Variants in GRK6 observed in about 807,000 individuals in gnomAD.
GRK6 encodes the protein G protein-coupled receptor kinase 6.
A neutral mutation model predicts 80.8 loss-of-function variants in GRK6; 37 were observed. That is an observed-to-expected ratio of 0.46 (90% confidence interval 0.35 to 0.60). GRK6 has a LOEUF of 0.60. Among genes scored for constraint, GRK6 ranks in the 20% least tolerant of loss-of-function variants. The pLI, the probability that GRK6 is intolerant of heterozygous loss-of-function variation, is 0.00. For missense variants in GRK6, 560 were observed against 784.6 expected, an observed-to-expected ratio of 0.71 and a Z score of 3.42; for synonymous variants, 295 against 320.9, an observed-to-expected ratio of 0.92 and a Z score of 0.86.
At chr5:177,441,656 C>T (rs1416418523) in intron 15 of GRK6, 81 bp from the exon 16 acceptor site, 17 of 1,172,470 alleles carry the variant, frequency 1.4e-5, no homozygotes, top group African/African-American at 7.5e-5. Context: ...CTGGCAGGGT[C>T]GGCCCCATGT....
intron 15 of GRK6, 77 bp from the exon 16 acceptor site, chr5:177,441,660 C>T (rs755679153): frequency 1.6e-6 from 2 of 1,224,214 alleles, no homozygotes; most frequent in Non-Finnish European, 2.4e-6. Flanking sequence ...CAGGGTCGGC[C>T]CCATGTGACG....
At chr5:177,439,416 G>A (rs1360196234) in intron 13 of GRK6, among the ~76,000 whole-genome samples, 3 of 151,894 alleles carry the variant, frequency 2.0e-5, no homozygotes, top group East Asian at 1.9e-4. Flanking sequence ...GGCGCATGCC[G>A]GTAATCTCAC....
rs1205968826 is a variant in GRK6 at position 177,432,729 on chromosome 5, C to T, written c.363C>T (p.Val121=). 1.1e-5 allele frequency: 18 copies of T among 1,608,960 alleles called. No individual in the cohort carries two copies. Among genetic ancestry groups the T allele is most frequent in the Non-Finnish European group, 1.5e-5 (18 of 1,177,734 alleles). The change falls in exon 5 of 16, where the codon GTC becomes GTT. Residue 121 remains valine, a synonymous_variant. Coordinates refer to ENST00000355472, the MANE Select transcript of GRK6 (RefSeq NM_001004106.3). ...SHTGPDLIPE[V]PRQLVTNCTQ... ...AGGGTCCTGACCTCATCCCTGAGGT[C>T]CCCCGGCAGCTGGTGACGAACTGCA...
intron 13 of GRK6, 115 bp from the exon 14 acceptor site, chr5:177,440,585 A>C: frequency 7.8e-7 from 1 of 1,274,846 alleles, no homozygotes; most frequent in Non-Finnish European, 1.1e-6. Flanking sequence ...TCCAAATCAG[A>C]GAGCTGCTGG....
chr5:177,433,009 T>G (rs1377953887), intron 5 of GRK6, 138 bp from the exon 6 acceptor site: 7 of 813,358 alleles, frequency 8.6e-6, no homozygotes, highest in Non-Finnish European at 1.4e-5. Context: ...GTCTCCCCGC[T>G]CAGGGGTTAG....
intron 10 of GRK6, 46 bp downstream of exon 10, chr5:177,434,985 A>AGGCCT: frequency 6.2e-7 from 1 of 1,613,268 alleles, no homozygotes; most frequent in African/African-American, 1.3e-5. Context: ...TGAGATGCAG[A>AGGCCT]GGCCTGGCCT....
At chr5:177,434,516 G>T (rs1410503974) in intron 9 of GRK6, among the ~76,000 whole-genome samples, 2 of 152,220 alleles carry the variant, frequency 1.3e-5, no homozygotes, top group African/African-American at 4.8e-5. Flanking sequence ...AGAGAACCCT[G>T]GCTCTGATTG....
intron 15 of GRK6, chr5:177,441,356 G>C (rs767157984): frequency 7.2e-7 from 1 of 1,396,782 alleles, no homozygotes; most frequent in East Asian, 2.5e-5. Context: ...TCTGGTGCCC[G>C]CCCCACTCCC....
chr5:177,427,910 C>G (rs1763735110), intron 1 of GRK6, among the ~76,000 whole-genome samples: 1 of 152,202 alleles, frequency 6.6e-6, no homozygotes, highest in Non-Finnish European at 1.5e-5. Flanking sequence ...AGCTGAGGCT[C>G]AAACCAGGGA....
chr5:177,426,855 G>C lies in GRK6; in HGVS notation c.10G>C (p.Glu4Gln). Residue 4 changes from glutamate (E) to glutamine (Q), a missense_variant, in exon 1 of 16, where the codon GAG becomes CAG. Around this residue, in one of 3 missense-constraint regions of GRK6, gnomAD observed 189 missense variants for 230.2 expected, o/e 0.82. Transcript: ENST00000355472. The stretch of plus-strand genomic sequence containing the variant: ...GGCGGCGCCACAGCCCATGGAGCTC[G>C]AGAACATCGTAGCGAACACGGTGCT... MEL[E>Q]NIVANTVLLK... is the part of the protein sequence containing the mutation. 7.4e-7 allele frequency: 1 copy of C among 1,353,904 alleles called. No homozygotes were observed. The highest frequency in any genetic ancestry group is 9.6e-7 in the Non-Finnish European group (1 of 1,045,428). 83.9% of individuals were successfully genotyped at this position (1,353,904 alleles called of 1,614,324 possible).
At position 177,441,007 on chromosome 5, in the gene GRK6, C is replaced by T. The variant is rs199969070; in HGVS notation, c.1631C>T (p.Pro544Leu). Residue 544 changes from proline (P) to leucine (L), a missense_variant, in exon 15 of 16, where the codon CCT becomes CTT. Pro to Leu is a moderately conservative substitution (Grantham distance 98). This residue lies in a region of GRK6 where 294 missense variants were observed against 397.4 expected (regional missense o/e 0.74). Transcript: ENST00000355472. Reference protein sequence around the residue: ...PPDLDWKGQPPAPPKKGLLQR... With the variant: ...PPDLDWKGQPLAPPKKGLLQR... ...GACCTGGACTGGAAGGGCCAGCCAC[C>T]TGCACCTCCTAAAAAGGGACTGCTG... is the stretch of plus-strand genomic sequence containing the variant. 8 of 1,613,928 alleles carry T rather than the reference C, an allele frequency of 5.0e-6. No individual in the cohort carries two copies. In the African/African-American group the frequency reaches 8.0e-5, roughly 16 times the overall value.
chr5:177,436,579 G>A, intron 13 of GRK6, 49 bp downstream of exon 13: 1 of 1,501,220 alleles, frequency 6.7e-7, no homozygotes, highest in Non-Finnish European at 8.9e-7. Flanking sequence ...CAGGGCTGGG[G>A]CTCAGGGGCT....
upstream of GRK6, chr5:177,426,349 G>A (rs2062449502): frequency 1.3e-5 from 2 of 152,238 alleles, no homozygotes; most frequent in Admixed American, 6.5e-5. Flanking sequence ...CACATATTCG[G>A]CCTCCTGGGC....
Position 177,433,934 on chromosome 5 carries a change from T to C in GRK6, c.759T>C (p.Tyr253=), listed in dbSNP as rs775962144. The change falls in exon 9 of 16, where the codon TAT becomes TAC. Residue 253 remains tyrosine, a synonymous_variant. Coordinates refer to ENST00000355472, the MANE Select transcript of GRK6 (RefSeq NM_001004106.3). ...SRFVVSLAYA[Y]ETKDALCLVL... is the part of the protein sequence containing the mutation. Reference sequence around the variant, plus strand: ...CACAGGTGAGCTTGGCCTACGCCTATGAGACCAAGGACGCGCTGTGCCTGG... The same window carrying C: ...CACAGGTGAGCTTGGCCTACGCCTACGAGACCAAGGACGCGCTGTGCCTGG... 1.3e-6 allele frequency: 2 copies of C among 1,592,142 alleles called. No individual in the cohort carries two copies. The highest frequency in any genetic ancestry group is 2.2e-5 in the East Asian group (1 of 44,616).
rs1236015477 is a variant in GRK6 at position 177,428,767 on chromosome 5, T to C, written c.52+1870T>C. Among the ~76,000 whole-genome samples, 1 of 152,154 alleles carries C rather than the reference T, an allele frequency of 6.6e-6. No homozygotes were observed. Among genetic ancestry groups the C allele is most frequent in the East Asian group, 1.9e-4 (1 of 5,194 alleles). On this transcript the variant is annotated intron_variant, in intron 1 of 15. Transcript: ENST00000355472. The surrounding 1 kb of genome is among the most constrained non-coding windows in gnomAD (Gnocchi z 4.1). ...TCTTCTTTCTCAACTTCAGTACCCC[T>C]TTTTGTGGAACGGTTGGGGGTGGGA...
At position 177,426,682 on chromosome 5, in the gene GRK6, T is replaced by C. The variant is rs1369636298; in HGVS notation, c.-164T>C. ...GTGGCCCCCGGGAGGGGGCGGAGAGTGCGCGGCTGGCTGCGGCGGCCGGGG... is the reference window on the plus strand; with the variant it reads ...GTGGCCCCCGGGAGGGGGCGGAGAGCGCGCGGCTGGCTGCGGCGGCCGGGG... On this transcript the variant is annotated 5_prime_UTR_variant, in exon 1 of 16. Coordinates refer to ENST00000355472, the MANE Select transcript of GRK6 (RefSeq NM_001004106.3). 5.6e-6 allele frequency: 1 copy of C among 179,290 alleles called. No individual in the cohort carries two copies. Among genetic ancestry groups the C allele is most frequent in the Non-Finnish European group, 1.0e-5 (1 of 96,804 alleles). The allele number at this position is 179,290 out of a possible 1,614,324, so 11.1% of individuals were successfully genotyped here.
intron 10 of GRK6, 24 bp downstream of exon 10, chr5:177,434,963 G>A: frequency 6.7e-7 from 1 of 1,494,424 alleles, no homozygotes; most frequent in South Asian, 1.1e-5. Flanking sequence ...CCTGGGGTGG[G>A]TCAGGGTGGG....
At chr5:177,439,521 CAA>C (rs1226344684) in intron 13 of GRK6, among the ~76,000 whole-genome samples, 1 of 129,610 alleles carries the variant, frequency 7.7e-6, no homozygotes, top group Non-Finnish European at 1.6e-5. Flanking sequence ...GGCTGGGCAA[CAA>C]GAGCAAAACT....
chr5:177,437,072 A>G (rs1211530871), intron 13 of GRK6, among the ~76,000 whole-genome samples: 1 of 152,042 alleles, frequency 6.6e-6, no homozygotes, highest in East Asian at 1.9e-4. Flanking sequence ...CTCCTGCCTC[A>G]GCCTCCTGAG....
Sources: gnomAD v4.1 joint callset for allele counts (sites outside exome capture counted in the v4.1 genomes callset) on GRCh38, gnomAD v4.1.1 for gene constraint, gnomAD v4.1.1 regional missense constraint, Gnocchi (gnomAD v3.1) non-coding constraint, MANE v1.5 for transcripts, NCBI Gene and HGNC (gene_info 2026-07-23, HGNC 2026-07-21) for gene names.